SLC4A4: variants seen among roughly 807,000 people sequenced by gnomAD.
SLC4A4 encodes the protein solute carrier family 4 member 4, also known as electrogenic sodium bicarbonate cotransporter 1.
A neutral mutation model predicts 111.5 loss-of-function variants in SLC4A4; 27 were observed. The observed-to-expected ratio is 0.24, with a 90% CI of 0.18 to 0.33. The LOEUF is 0.33. Among genes scored for constraint, SLC4A4 ranks in the 10% least tolerant of loss-of-function variants. The pLI is 1.00. For synonymous variants in SLC4A4, 443 were observed against 463.4 expected (o/e 0.96, Z 0.57); for missense variants, 909 against 1,315.5 (o/e 0.69, Z 4.78).
intron 3 of SLC4A4, among the ~76,000 whole-genome samples, chr4:71,305,389 C>T (rs1253653055): frequency 6.6e-6 from 1 of 152,198 alleles, no homozygotes; most frequent in Non-Finnish European, 1.5e-5. Context: ...GCAACTGTCC[C>T]TTTAGCATGG....
rs551652423 is a variant in SLC4A4 at position 71,076,167 on chromosome 4, T to C, written c.-65+13379T>C. ...TAAACTCCACTGAGGACAAAACGAA[T>C]TCCTCAGTGCTTAGAATGTGTTCTT... On this transcript the variant is annotated intron_variant, in intron 1 of 26. Transcript: ENST00000649996. 2.6e-5 allele frequency among the ~76,000 whole-genome samples: 4 copies of C among 152,268 alleles called. No individual in the cohort carries two copies. In the South Asian group the frequency reaches 8.3e-4, roughly 32 times the overall value.
rs1228449227 is a variant in SLC4A4 at position 71,569,309 on chromosome 4, A to G, written c.*1558A>G. ...AAATTCATAGGAGTATTAATAGCCC[A>G]TTTACACATCTATAAAATGTAATGG... On this transcript the variant is annotated 3_prime_UTR_variant, in exon 26 of 26. Transcript: ENST00000264485. 6.6e-6 allele frequency: 1 copy of G among 151,744 alleles called. No individual in the cohort carries two copies. The highest frequency in any genetic ancestry group is 1.5e-5 in the Non-Finnish European group (1 of 67,802). The allele number at this position is 151,744 out of a possible 1,614,324, so 9.4% of individuals were successfully genotyped here.
Position 71,266,380 on chromosome 4 carries a change from G to A in SLC4A4, c.253+10981G>A, listed in dbSNP as rs189047487. ...TCATAAAAGAGTGGCTTGCTTCCTT[G>A]AAATCCTGAACTCTGTGCCAAATGC... On this transcript the variant is annotated intron_variant, in intron 3 of 25. Transcript: ENST00000264485. Among the ~76,000 whole-genome samples the A allele has an allele frequency of 2.0e-3, 301 of 152,274 alleles. 3 individuals carry two copies. The highest frequency in any genetic ancestry group is 0.019 in the East Asian group (97 of 5,194).
At chr4:71,387,388 G>C (rs550942591) in intron 6 of SLC4A4, among the ~76,000 whole-genome samples, 2 of 151,774 alleles carry the variant, frequency 1.3e-5, no homozygotes, top group Admixed American at 6.6e-5. Flanking sequence ...GTGTTTTTTT[G>C]TGAATCTGTC....
chr4:71,332,663 A>C (rs974182243), intron 3 of SLC4A4, among the ~76,000 whole-genome samples: 1 of 150,880 alleles, frequency 6.6e-6, no homozygotes, highest in Non-Finnish European at 1.5e-5. Context: ...CGATCTCCTG[A>C]CCTCGTGATC....
chr4:71,260,065 A>G (rs1312849408), intron 3 of SLC4A4, among the ~76,000 whole-genome samples: 1 of 152,020 alleles, frequency 6.6e-6, no homozygotes, highest in East Asian at 1.9e-4. Flanking sequence ...AGCTTTTTGG[A>G]TGTGTACCAG....
chr4:71,151,222 A>G (rs1744304501), intron 2 of SLC4A4, among the ~76,000 whole-genome samples: 1 of 152,162 alleles, frequency 6.6e-6, no homozygotes, highest in Admixed American at 6.5e-5. Flanking sequence ...TTTGCTGCCA[A>G]CCTCTTCCAA....
intron 2 of SLC4A4, among the ~76,000 whole-genome samples, chr4:71,107,888 G>A (rs933811734): frequency 6.6e-6 from 1 of 151,928 alleles, no homozygotes; most frequent in African/African-American, 2.4e-5. Context: ...TTTTTGTGAA[G>A]ACAGGGTCTC....
intron 8 of SLC4A4, among the ~76,000 whole-genome samples, chr4:71,447,401 TGAA>T (rs1725334709): frequency 6.6e-6 from 1 of 152,232 alleles, no homozygotes; most frequent in African/African-American, 2.4e-5. Context: ...TCCTGCTCAG[TGAA>T]GAAGCTTCTC....
chr4:71,568,043 A>G lies in SLC4A4; in HGVS notation c.*292A>G, dbSNP rs1578204168. ...CTCTCTGCTTCTCTCTTGCATAGAC[A>G]CAATCAAGACAATAGTGCACCGTTC... is the stretch of plus-strand genomic sequence containing the variant. On this transcript the variant is annotated 3_prime_UTR_variant, in exon 26 of 26. Coordinates refer to ENST00000264485, the MANE Select transcript of SLC4A4 (RefSeq NM_001098484.3). The G allele has an allele frequency of 1.0e-5, 6 of 581,006 alleles. No homozygotes were observed. The highest frequency in any genetic ancestry group is 1.9e-5 in the Non-Finnish European group (6 of 324,172). 36.0% of individuals were successfully genotyped at this position (581,006 alleles called of 1,614,324 possible). A position where few individuals can be genotyped will look rare whatever the true frequency, so the allele number is the denominator to read the frequency against.
At chr4:71,282,227 T>C (rs1031420) in intron 3 of SLC4A4, among the ~76,000 whole-genome samples, 2 of 151,756 alleles carry the variant, frequency 1.3e-5, no homozygotes, top group Non-Finnish European at 2.9e-5. Context: ...CATTTGGCCA[T>C]TGCAGTATAG....
At chr4:71,174,821 T>C (rs1745041192) in intron 2 of SLC4A4, among the ~76,000 whole-genome samples, 1 of 152,214 alleles carries the variant, frequency 6.6e-6, no homozygotes, top group Non-Finnish European at 1.5e-5. Context: ...TGGCTTACGA[T>C]GTAGCCCAGG....
chr4:71,294,592 C>A (rs1210905748), intron 3 of SLC4A4, among the ~76,000 whole-genome samples: 1 of 152,200 alleles, frequency 6.6e-6, no homozygotes, highest in East Asian at 1.9e-4. Flanking sequence ...CATGATGAAT[C>A]AAAGACTGAT....
chr4:71,543,720 T>G (rs1735270014), intron 18 of SLC4A4, among the ~76,000 whole-genome samples: 1 of 152,036 alleles, frequency 6.6e-6, no homozygotes, highest in South Asian at 2.1e-4. Flanking sequence ...TTACTACAGG[T>G]TTTTTGGTAA....
At chr4:71,456,749 T>G (rs915558080) in intron 12 of SLC4A4, among the ~76,000 whole-genome samples, 1 of 152,212 alleles carries the variant, frequency 6.6e-6, no homozygotes. Flanking sequence ...AGGGTATTGA[T>G]GAAAACAGTC....
chr4:71,358,648 A>T (rs1184410194), intron 6 of SLC4A4, among the ~76,000 whole-genome samples: 2 of 152,178 alleles, frequency 1.3e-5, no homozygotes, highest in African/African-American at 2.4e-5. Context: ...TGATGGTTCT[A>T]CTGTTACCTA....
At chr4:71,063,984 C>T (rs1050596207) in intron 1 of SLC4A4, among the ~76,000 whole-genome samples, 1 of 151,910 alleles carries the variant, frequency 6.6e-6, no homozygotes, top group Admixed American at 6.6e-5. Flanking sequence ...TTACAAAGGA[C>T]CTAAAGGTCC....
rs921205727 is a variant in SLC4A4 at position 71,113,973 on chromosome 4, C to T, written c.-2+21181C>T. ...TTTTTAAAAAAGCAAACAGGCCGGG[C>T]GCGGTGGCTCACACCTGTAATCCCA... is the stretch of plus-strand genomic sequence containing the variant. On this transcript the variant is annotated intron_variant, in intron 2 of 26. Coordinates refer to the SLC4A4 transcript ENST00000649996. 1.2e-4 allele frequency among the ~76,000 whole-genome samples: 18 copies of T among 152,250 alleles called. No individual in the cohort carries two copies. In the East Asian group the frequency reaches 1.7e-3, roughly 15 times the overall value.
At chr4:71,340,924 C>G (rs1177282651) in intron 4 of SLC4A4, among the ~76,000 whole-genome samples, 1 of 152,074 alleles carries the variant, frequency 6.6e-6, no homozygotes, top group Non-Finnish European at 1.5e-5. Flanking sequence ...TTTCATTAAT[C>G]TCATAACAGA....
Sources: gnomAD v4.1 joint callset for allele counts (sites outside exome capture counted in the v4.1 genomes callset) on GRCh38, gnomAD v4.1.1 for gene constraint, MANE v1.5 for transcripts, NCBI Gene and HGNC (gene_info 2026-07-23, HGNC 2026-07-21) for gene names.